The following STK33 variants were observed in gnomAD, a reference collection of about 807,000 sequenced individuals.
STK33 encodes the protein serine/threonine-protein kinase 33.
In STK33, 52 loss-of-function variants were observed where a neutral mutation model predicts 58.0. The ratio of observed to expected loss-of-function variants is 0.90; its 90% CI spans 0.72 to 1.13. The LOEUF (loss-of-function observed/expected upper bound fraction) is 1.13. STK33 is among the 50% of genes most tolerant of loss of function. STK33 has a pLI of 0.00. For missense variants in STK33, 630 were observed against 604.2 expected (o/e 1.04, Z -0.45); for synonymous variants, 215 against 200.1 (o/e 1.07, Z -0.63).
intron 11 of STK33, among the ~76,000 whole-genome samples, chr11:8,443,319 T>C (rs1945002410): frequency 1.3e-5 from 2 of 152,162 alleles, no homozygotes; most frequent in Admixed American, 1.3e-4. Flanking sequence ...ATTTTTAAAA[T>C]ATCCAACGCA....
intron 1 of STK33, among the ~76,000 whole-genome samples, chr11:8,568,344 A>G (rs903737181): frequency 2.6e-5 from 4 of 152,216 alleles, no homozygotes; most frequent in African/African-American, 9.6e-5. Context: ...ACATGTATTT[A>G]CTACAAGAGA....
At chr11:8,489,708 C>G (rs1950460937) in intron 1 of STK33, among the ~76,000 whole-genome samples, 1 of 152,214 alleles carries the variant, frequency 6.6e-6, no homozygotes, top group South Asian at 2.1e-4. Flanking sequence ...TGACAATTAA[C>G]TTTCCAGCAC....
the STK33 span, among the ~76,000 whole-genome samples, chr11:8,347,867 C>T: frequency 1.3e-5 from 2 of 152,246 alleles, no homozygotes; most frequent in Non-Finnish European, 2.9e-5. Flanking sequence ...TCCACTGTGG[C>T]GGAAGGGGCA....
intron 1 of STK33, among the ~76,000 whole-genome samples, chr11:8,486,945 T>C (rs903924359): frequency 2.0e-5 from 3 of 152,130 alleles, no homozygotes; most frequent in South Asian, 2.1e-4. Context: ...CTGAGATAGA[T>C]AGCAGCCATT....
chr11:8,374,283 AC>A, the STK33 span, among the ~76,000 whole-genome samples: 1 of 151,566 alleles, frequency 6.6e-6, no homozygotes, highest in African/African-American at 2.4e-5. Flanking sequence ...CCCACCCCCA[AC>A]CCCCTTGTAC....
At chr11:8,556,837 T>A (rs764363866) in intron 1 of STK33, among the ~76,000 whole-genome samples, 2 of 152,160 alleles carry the variant, frequency 1.3e-5, no homozygotes, top group African/African-American at 2.4e-5. Flanking sequence ...AAATATTTGT[T>A]CTATGAAGAA....
chr11:8,384,199 A>C, the STK33 span, among the ~76,000 whole-genome samples: 2 of 151,988 alleles, frequency 1.3e-5, no homozygotes, highest in Admixed American at 6.6e-5. Flanking sequence ...TTTAGTATTA[A>C]TCTGTTTTAT....
intron 1 of STK33, among the ~76,000 whole-genome samples, chr11:8,543,800 C>T (rs1276469184): frequency 6.6e-6 from 1 of 152,022 alleles, no homozygotes; most frequent in East Asian, 1.9e-4. Context: ...ATGGATACCC[C>T]ATTCTCCATG....
chr11:8,411,179 T>C (rs966636113), intron 15 of STK33, among the ~76,000 whole-genome samples: 1 of 152,206 alleles, frequency 6.6e-6, no homozygotes, highest in Non-Finnish European at 1.5e-5. Flanking sequence ...GGATTACCAA[T>C]AGCACAAAAC....
At chr11:8,412,868 C>T (rs1223737460) in intron 15 of STK33, among the ~76,000 whole-genome samples, 1 of 152,116 alleles carries the variant, frequency 6.6e-6, no homozygotes, top group Non-Finnish European at 1.5e-5. Flanking sequence ...TAACGGATCA[C>T]AATCTAGAAC....
chr11:8,374,315 G>A, the STK33 span, among the ~76,000 whole-genome samples: 1 of 152,296 alleles, frequency 6.6e-6, no homozygotes, highest in Non-Finnish European at 1.5e-5. Flanking sequence ...GGGAGGTTGG[G>A]GGCGTTGGTA....
At chr11:8,508,179 C>G (rs376459100) in intron 1 of STK33, among the ~76,000 whole-genome samples, 1 of 151,968 alleles carries the variant, frequency 6.6e-6, no homozygotes, top group Non-Finnish European at 1.5e-5. Context: ...GTGTGAACCA[C>G]CACGCCCAGC....
At chr11:8,437,460 G>A (rs1225810584) in intron 12 of STK33, among the ~76,000 whole-genome samples, 2 of 152,178 alleles carry the variant, frequency 1.3e-5, no homozygotes, top group Non-Finnish European at 2.9e-5. Context: ...CCAGACAGAT[G>A]TAATTAGATT....
intron 1 of STK33, among the ~76,000 whole-genome samples, chr11:8,526,667 C>T (rs1344345262): frequency 6.6e-6 from 1 of 151,942 alleles, no homozygotes; most frequent in Non-Finnish European, 1.5e-5. Flanking sequence ...GCTTATTATT[C>T]TGCATGTTTG....
intron 15 of STK33, among the ~76,000 whole-genome samples, chr11:8,397,960 G>A (rs1474168462): frequency 6.6e-6 from 1 of 152,236 alleles, no homozygotes; most frequent in Non-Finnish European, 1.5e-5. Flanking sequence ...ATGGGACCAT[G>A]TGAAAAGACC....
intron 1 of STK33, among the ~76,000 whole-genome samples, chr11:8,501,085 A>G (rs1951481262): frequency 1.3e-5 from 2 of 152,198 alleles, no homozygotes; most frequent in African/African-American, 4.8e-5. Context: ...CTAAAACTAT[A>G]AAACTTCTAG....
chr11:8,435,966 A>T, intron 13 of STK33, 61 bp downstream of exon 13: 1 of 994,406 alleles, frequency 1.0e-6, no homozygotes. Context: ...TTTTAACCAC[A>T]GGCCAACTTT....
intron 1 of STK33, among the ~76,000 whole-genome samples, chr11:8,559,728 G>A (rs1306418055): frequency 6.6e-6 from 1 of 152,078 alleles, no homozygotes; most frequent in African/African-American, 2.4e-5. Flanking sequence ...AATAAAAACT[G>A]AAAGAGTCCA....
chr11:8,458,428 A>T (rs1277315704), intron 8 of STK33, among the ~76,000 whole-genome samples: 1 of 152,098 alleles, frequency 6.6e-6, no homozygotes, highest in Non-Finnish European at 1.5e-5. Context: ...CATTAAAAAA[A>T]AAAAAAAACA....
Sources: allele counts gnomAD v4.1 joint callset (sites outside exome capture counted in the v4.1 genomes callset), GRCh38; gene constraint gnomAD v4.1.1; transcripts MANE v1.5; gene names NCBI Gene and HGNC (gene_info 2026-07-23, HGNC 2026-07-21).